Variants in LURAP1L observed in about 807,000 individuals in gnomAD.
LURAP1L encodes the protein leucine rich adaptor protein 1 like.
LURAP1L carries 12 observed loss-of-function variants against 13.8 expected under a neutral mutation model. The observed-to-expected ratio is 0.87, with a 90% confidence interval of 0.56 to 1.41. The LOEUF (loss-of-function observed/expected upper bound fraction) is 1.41. Among genes scored for constraint, LURAP1L ranks in the 40% most tolerant of loss-of-function variants. The pLI is 0.00. For synonymous variants in LURAP1L, 139 were observed against 119.2 expected (o/e 1.17, Z -1.08); for missense variants, 375 against 292.9 (o/e 1.28, Z -2.04).
At position 12,815,298 on chromosome 9, in the gene LURAP1L, A is replaced by G. The variant is rs192504169; in HGVS notation, c.313-6088A>G. Among the ~76,000 whole-genome samples the G allele has an allele frequency of 9.5e-4, 144 of 152,308 alleles. 1 individual carries two copies. The highest frequency in any genetic ancestry group is 1.7e-3 in the Non-Finnish European group (115 of 68,020). Reference sequence around the variant, plus strand: ...CAAACAAACTGGAATAAATTGCTGGAAAAACAATACTCCAAGTGCTTTTAA... The same window carrying G: ...CAAACAAACTGGAATAAATTGCTGGGAAAACAATACTCCAAGTGCTTTTAA... On this transcript the variant is annotated intron_variant, in intron 1 of 1. Transcript: ENST00000319264.
Position 12,821,042 on chromosome 9 carries a change from C to G in LURAP1L, c.313-344C>G, listed in dbSNP as rs534327463. Reference sequence around the variant, plus strand: ...CTCAGGACCCACGTATATACGCCAACGTAAACATTAATAAACTTAATCTGG... The same window carrying G: ...CTCAGGACCCACGTATATACGCCAAGGTAAACATTAATAAACTTAATCTGG... On this transcript the variant is annotated intron_variant, in intron 1 of 1. Transcript: ENST00000319264. Among the ~76,000 whole-genome samples, 8 of 152,090 alleles carry G rather than the reference C, an allele frequency of 5.3e-5. No individual in the cohort carries two copies. The South Asian group carries it at 1.7e-3, about 32-fold the overall frequency.
intron 1 of LURAP1L, among the ~76,000 whole-genome samples, chr9:12,785,352 C>T (rs888694725): frequency 5.9e-5 from 9 of 152,086 alleles, no homozygotes; most frequent in South Asian, 2.1e-4. Context: ...AGCACTCCCT[C>T]GGCTGGCCCA....
rs756627053 is a variant in LURAP1L, at chr9:12,821,786, G to A, written c.*26G>A. ...TGACAGTTTTTTGCATGGGACTGGTGTGCAATGAACTTGTATTTATCCTTC... is the reference window on the plus strand; with the variant it reads ...TGACAGTTTTTTGCATGGGACTGGTATGCAATGAACTTGTATTTATCCTTC... On this transcript the variant is annotated 3_prime_UTR_variant, in exon 2 of 2. Coordinates refer to ENST00000319264, the MANE Select transcript of LURAP1L (RefSeq NM_203403.2). The A allele has an allele frequency of 2.5e-6, 4 of 1,592,440 alleles. No individual in the cohort carries two copies. Among genetic ancestry groups the A allele is most frequent in the East Asian group, 4.5e-5 (2 of 44,422 alleles).
At chr9:12,806,270 G>T (rs953438895) in intron 1 of LURAP1L, among the ~76,000 whole-genome samples, 1 of 152,140 alleles carries the variant, frequency 6.6e-6, no homozygotes, top group Non-Finnish European at 1.5e-5. Context: ...GGCTGTGTAG[G>T]TTGTATAGGT....
At chr9:12,797,775 A>C (rs973967477) in intron 1 of LURAP1L, among the ~76,000 whole-genome samples, 7 of 152,174 alleles carry the variant, frequency 4.6e-5, no homozygotes, top group African/African-American at 1.7e-4. Flanking sequence ...TAACAAATTC[A>C]TATCCAAGGG....
chr9:12,811,701 G>A (rs577441110), intron 1 of LURAP1L, among the ~76,000 whole-genome samples: 2 of 152,314 alleles, frequency 1.3e-5, no homozygotes, highest in African/African-American at 4.8e-5. Context: ...CTAAAGTGTG[G>A]TCTATATACC....
At chr9:12,786,571 T>TATATATATATATATAC (rs1819357376) in intron 1 of LURAP1L, among the ~76,000 whole-genome samples, 1 of 127,680 alleles carries the variant, frequency 7.8e-6, no homozygotes, top group Non-Finnish European at 1.7e-5. Flanking sequence ...TATATATATA[T>TATATATATATATATAC]ATATATATAT....
rs879160997 is a variant in LURAP1L at position 12,821,643 on chromosome 9, C to T, written c.570C>T (p.Val190=). The T allele has an allele frequency of 1.9e-6, 3 of 1,614,148 alleles. No homozygotes were observed. The highest frequency in any genetic ancestry group is 2.2e-5 in the South Asian group (2 of 91,078). Residue 190 remains valine, a synonymous_variant, in exon 2 of 2, where the codon GTC becomes GTT. Coordinates refer to ENST00000319264, the MANE Select transcript of LURAP1L (RefSeq NM_203403.2). ...GSYLDTLADD[V]PGHQTPSDLD... The stretch of plus-strand genomic sequence containing the variant: ...ATCTGGACACGTTGGCGGATGATGT[C>T]CCAGGCCATCAGACCCCTTCAGACT...
rs1025068433 is a variant in LURAP1L, at chr9:12,822,318, G to C, written c.*558G>C. 3.3e-5 allele frequency among the ~76,000 whole-genome samples: 5 copies of C among 152,218 alleles called. No individual in the cohort carries two copies. Among genetic ancestry groups the C allele is most frequent in the African/African-American group, 1.2e-4 (5 of 41,530 alleles). ...ACACACGCCCACATGACAATCATCTGAAAGTCCCCAACTATACACATTCTG... is the reference window on the plus strand; with the variant it reads ...ACACACGCCCACATGACAATCATCTCAAAGTCCCCAACTATACACATTCTG... On this transcript the variant is annotated 3_prime_UTR_variant, in exon 2 of 2. Coordinates refer to ENST00000319264, the MANE Select transcript of LURAP1L (RefSeq NM_203403.2).
chr9:12,821,511 T>G lies in LURAP1L; in HGVS notation c.438T>G (p.Ser146Arg). 6.2e-7 allele frequency: 1 copy of G among 1,614,194 alleles called. No individual in the cohort carries two copies. Among genetic ancestry groups the G allele is most frequent in the African/African-American group, 1.3e-5 (1 of 75,042 alleles). ...ATITSRGSSL[S>R]GSLCSLLESQ... ...TTACCAGCAGAGGCAGCAGCCTCAG[T>G]GGCAGCCTGTGCAGTTTGTTGGAGA... Residue 146 changes from serine to arginine, a missense_variant, in exon 2 of 2, where the codon AGT becomes AGG. Physicochemically the swap from Ser to Arg is moderately radical, Grantham distance 110 (BLOSUM62 -1). Coordinates refer to ENST00000319264, the MANE Select transcript of LURAP1L (RefSeq NM_203403.2).
chr9:12,808,140 C>T (rs1819686075), intron 1 of LURAP1L, among the ~76,000 whole-genome samples: 1 of 151,622 alleles, frequency 6.6e-6, no homozygotes, highest in African/African-American at 2.4e-5. Context: ...TAATATTTTA[C>T]CTTCTTTTTT....
intron 1 of LURAP1L, among the ~76,000 whole-genome samples, chr9:12,785,806 T>TA (rs1819342340): frequency 6.6e-6 from 1 of 152,218 alleles, no homozygotes; most frequent in Non-Finnish European, 1.5e-5. Flanking sequence ...TCTTCCTTGA[T>TA]ATGATGTTAA....
chr9:12,779,248 C>T (rs891759819), intron 1 of LURAP1L, among the ~76,000 whole-genome samples: 1 of 150,858 alleles, frequency 6.6e-6, no homozygotes, highest in Non-Finnish European at 1.5e-5. Flanking sequence ...ATGTATTATC[C>T]CGTTGAAATC....
At chr9:12,808,140 CCTT>C (rs143837809) in intron 1 of LURAP1L, among the ~76,000 whole-genome samples, 9,009 of 151,692 alleles carry the variant, frequency 0.059, 323 homozygotes, top group Non-Finnish European at 0.084. Flanking sequence ...TAATATTTTA[CCTT>C]CTTTTTTTCT....
chr9:12,812,832 T>C (rs1819756600), intron 1 of LURAP1L, among the ~76,000 whole-genome samples: 1 of 152,194 alleles, frequency 6.6e-6, no homozygotes, highest in Non-Finnish European at 1.5e-5. Context: ...ATTATTATAA[T>C]ACAAAAGCAT....
chr9:12,782,632 T>G (rs940454968), intron 1 of LURAP1L, among the ~76,000 whole-genome samples: 2 of 152,216 alleles, frequency 1.3e-5, no homozygotes, highest in Non-Finnish European at 2.9e-5. Context: ...GCTGTTTTGG[T>G]TACTATAACT....
Position 12,792,940 on chromosome 9 carries a change from A to G in LURAP1L, c.312+16913A>G, listed in dbSNP as rs560309746. 2.6e-5 allele frequency among the ~76,000 whole-genome samples: 4 copies of G among 152,196 alleles called. No homozygotes were observed. The South Asian group carries it at 8.3e-4, about 32-fold the overall frequency. The stretch of plus-strand genomic sequence containing the variant: ...GAAGTTTCTAAAAATTAGTTTGAAG[A>G]TGCCGGAATAATTATGTGAGAAGAA... On this transcript the variant is annotated intron_variant, in intron 1 of 1. Coordinates refer to ENST00000319264, the MANE Select transcript of LURAP1L (RefSeq NM_203403.2).
chr9:12,775,667 C>A lies in LURAP1L; in HGVS notation c.-49C>A. The A allele has an allele frequency of 1.3e-6, 2 of 1,524,044 alleles. No homozygotes were observed. Among genetic ancestry groups the A allele is most frequent in the East Asian group, 2.3e-5 (1 of 43,948 alleles). 94.4% of individuals were successfully genotyped at this position (1,524,044 alleles called of 1,614,324 possible). A position where few individuals can be genotyped will look rare whatever the true frequency, so the allele number is the denominator to read the frequency against. The stretch of plus-strand genomic sequence containing the variant: ...GCAGCAGCCTTCGAAGCCGTGGCTG[C>A]CTTTCATCTGCTGCGTTTTATTACT... On this transcript the variant is annotated 5_prime_UTR_variant, in exon 1 of 2. Transcript: ENST00000319264.
chr9:12,786,575 T>TATATATATATATATATATATATATAC (rs1409561310), intron 1 of LURAP1L, among the ~76,000 whole-genome samples: 1 of 128,694 alleles, frequency 7.8e-6, no homozygotes, highest in Non-Finnish European at 1.7e-5. Flanking sequence ...TATATATATA[T>TATATATATATATATATATATATATAC]ATATATAAAC....
Sources: allele counts gnomAD v4.1 joint callset (sites outside exome capture counted in the v4.1 genomes callset), GRCh38; gene constraint gnomAD v4.1.1; transcripts MANE v1.5; gene names NCBI Gene and HGNC (gene_info 2026-07-23, HGNC 2026-07-21).